Variants in THRB observed in about 807,000 individuals in gnomAD.
The protein encoded by THRB is thyroid hormone receptor beta, also known as nuclear receptor subfamily 1 group A member 2.
THRB carries 12 observed loss-of-function variants against 47.8 expected under a neutral mutation model. The observed-to-expected ratio is 0.25, with a 90% CI of 0.16 to 0.41. The LOEUF (loss-of-function observed/expected upper bound fraction) is 0.41, where lower values mean the gene tolerates loss of function less well. Among genes scored for constraint, THRB ranks in the 10% least tolerant of loss-of-function variants. THRB has a pLI of 1.00. For synonymous variants in THRB, 218 were observed against 212.2 expected (o/e 1.03, Z -0.24); for missense variants, 348 against 589.2 (o/e 0.59, Z 4.24).
intron 5 of THRB, chr3:24,165,505 A>C: frequency 1.7e-6 from 1 of 587,258 alleles, no homozygotes; most frequent in Non-Finnish European, 3.0e-6. Flanking sequence ...AAACACCACC[A>C]CCAACACAGC....
intron 1 of THRB, among the ~76,000 whole-genome samples, chr3:24,434,381 C>A (rs568860600): frequency 6.6e-6 from 1 of 152,140 alleles, no homozygotes. Context: ...AGTGGCAGAA[C>A]GTTTGACACA....
intron 2 of THRB, among the ~76,000 whole-genome samples, chr3:24,334,378 C>G (rs2062105633): frequency 6.6e-6 from 1 of 151,806 alleles, no homozygotes; most frequent in African/African-American, 2.4e-5. Flanking sequence ...TGAGTAGGAG[C>G]AAAGGATTAA....
chr3:24,181,581 T>G (rs1002063600), intron 5 of THRB, among the ~76,000 whole-genome samples: 1 of 152,252 alleles, frequency 6.6e-6, no homozygotes, highest in African/African-American at 2.4e-5. Flanking sequence ...CTTTGTAGTT[T>G]AAACCTACGC....
At chr3:24,350,784 C>G (rs566856429) in intron 1 of THRB, among the ~76,000 whole-genome samples, 1 of 152,128 alleles carries the variant, frequency 6.6e-6, no homozygotes, top group Admixed American at 6.6e-5. Flanking sequence ...GATTTGTGTA[C>G]ATCTCTGTGT....
intron 3 of THRB, among the ~76,000 whole-genome samples, chr3:24,283,170 T>C (rs1180430457): frequency 6.6e-6 from 1 of 152,166 alleles, no homozygotes; most frequent in Non-Finnish European, 1.5e-5. Context: ...TGAACATTGA[T>C]GCAAAAATCC....
In THRB at chr3:24,261,728, C is replaced by T. The variant is rs182921434; in HGVS notation, c.-42-32727G>A. Among the ~76,000 whole-genome samples, 375 of 152,260 alleles carry T rather than the reference C, an allele frequency of 2.5e-3. 1 individual carries two copies. Among genetic ancestry groups the T allele is most frequent in the Non-Finnish European group, 4.4e-3 (297 of 68,016 alleles). ...ACCCATGAGGCTCATATTGCCAAAT[C>T]CTATGCAATTCTTGGAACTCATTTT... is the stretch of plus-strand genomic sequence containing the variant. On this transcript the variant is annotated intron_variant, in intron 3 of 10. Transcript: ENST00000646209.
At chr3:24,284,781 A>C (rs1250624171) in intron 3 of THRB, among the ~76,000 whole-genome samples, 1 of 150,654 alleles carries the variant, frequency 6.6e-6, no homozygotes, top group East Asian at 1.9e-4. Flanking sequence ...GGACATGAAC[A>C]GACACTTCTC....
At chr3:24,488,998 G>A (rs1697728000) in intron 1 of THRB, among the ~76,000 whole-genome samples, 1 of 152,180 alleles carries the variant, frequency 6.6e-6, no homozygotes, top group East Asian at 1.9e-4. Context: ...GTTCATGCCT[G>A]TAATCCCAGA....
chr3:24,358,689 T>C (rs2149618484), intron 1 of THRB, among the ~76,000 whole-genome samples: 1 of 152,288 alleles, frequency 6.6e-6, no homozygotes, highest in East Asian at 1.9e-4. Context: ...TAGTGTATTT[T>C]AACATTTGTG....
chr3:24,168,513 G>A (rs910951846), intron 5 of THRB, among the ~76,000 whole-genome samples: 3 of 118,148 alleles, frequency 2.5e-5, no homozygotes, highest in East Asian at 2.4e-4. Context: ...ATATATATGC[G>A]CCTAGGTGTG....
chr3:24,124,428 G>A (rs1236777941), intron 10 of THRB, among the ~76,000 whole-genome samples: 1 of 152,100 alleles, frequency 6.6e-6, no homozygotes, highest in Non-Finnish European at 1.5e-5. Context: ...GACCCAAATA[G>A]AAGATCAACA....
rs933000837 is a variant in THRB, at chr3:24,118,005, AC to A, written c.*4878del. The A allele has an allele frequency of 2.6e-5, 4 of 152,004 alleles. No homozygotes were observed. Among genetic ancestry groups the A allele is most frequent in the Non-Finnish European group, 4.4e-5 (3 of 67,998 alleles). The allele number at this position is 152,004 out of a possible 1,614,324, so 9.4% of individuals were successfully genotyped here. On this transcript the variant is annotated 3_prime_UTR_variant, in exon 11 of 11. Coordinates refer to ENST00000646209, the MANE Select transcript of THRB (RefSeq NM_001354712.2). Reference sequence around the variant, plus strand: ...CTTTGTGGCCCCTTCCAAAGAGGTAACCCCCCATCAGCATTTTACTTAGTTT... The same window carrying A: ...CTTTGTGGCCCCTTCCAAAGAGGTAACCCCCATCAGCATTTTACTTAGTTT...
intron 4 of THRB, 64 bp downstream of exon 4, chr3:24,228,874 T>C (rs1178678926): frequency 5.5e-6 from 8 of 1,445,636 alleles, no homozygotes; most frequent in Non-Finnish European, 7.7e-6. Context: ...TAAGAATCTA[T>C]AATTTCACTC....
At chr3:24,138,831 A>G (rs1220702569) in intron 8 of THRB, among the ~76,000 whole-genome samples, 1 of 152,208 alleles carries the variant, frequency 6.6e-6, no homozygotes, top group Non-Finnish European at 1.5e-5. Context: ...TGCCAGGGAA[A>G]AAGTAGGAAA....
intron 1 of THRB, among the ~76,000 whole-genome samples, chr3:24,453,754 G>A (rs1330537083): frequency 6.6e-6 from 1 of 152,108 alleles, no homozygotes; most frequent in African/African-American, 2.4e-5. Flanking sequence ...CCTCTTCCCA[G>A]ACTTTGTCTC....
At chr3:24,326,756 C>CTTTTATTTTTTTTTTTT (rs2061619535) in intron 2 of THRB, among the ~76,000 whole-genome samples, 1 of 50,026 alleles carries the variant, frequency 2.0e-5, no homozygotes, top group African/African-American at 1.0e-4. Flanking sequence ...CCAGTCTTGT[C>CTTTTATTTTTTTTTTTT]TTTTTTTTTT....
intron 1 of THRB, among the ~76,000 whole-genome samples, chr3:24,350,840 A>G (rs1258371700): frequency 6.6e-6 from 1 of 152,142 alleles, no homozygotes; most frequent in Non-Finnish European, 1.5e-5. Context: ...TAATTTCTTT[A>G]AGAAATATCA....
At chr3:24,156,176 A>C (rs60030916) in intron 5 of THRB, among the ~76,000 whole-genome samples, 2,137 of 152,340 alleles carry the variant, frequency 0.014, 47 homozygotes, top group African/African-American at 0.048. Context: ...GCGACTTGTC[A>C]TGTAGAAGGG....
chr3:24,341,183 C>CCTTTCA (rs2062621169), intron 1 of THRB, among the ~76,000 whole-genome samples: 1 of 47,128 alleles, frequency 2.1e-5, no homozygotes, highest in African/African-American at 1.5e-4. Context: ...CTTTCCTTTC[C>CCTTTCA]TTTCGTTTCC....
Sources: gnomAD v4.1 joint callset for allele counts (sites outside exome capture counted in the v4.1 genomes callset) on GRCh38, gnomAD v4.1.1 for gene constraint, MANE v1.5 for transcripts, NCBI Gene and HGNC (gene_info 2026-07-23, HGNC 2026-07-21) for gene names.